CPSF1: variants seen among roughly 807,000 people sequenced by gnomAD.
The protein encoded by CPSF1 is cleavage and polyadenylation specificity factor subunit 1.
Under a neutral mutation model 175.8 loss-of-function variants are expected in CPSF1, and 106 were observed. That is an observed-to-expected ratio of 0.60 (90% CI 0.52 to 0.71). The LOEUF (loss-of-function observed/expected upper bound fraction) is 0.71, where lower values mean the gene tolerates loss of function less well. CPSF1 is among the 30% of genes least tolerant of loss of function. CPSF1 has a pLI of 0.00. For synonymous variants in CPSF1, 1,024 were observed against 858.3 expected (o/e 1.19, Z -3.37); for missense variants, 1,734 against 2,022.9 (o/e 0.86, Z 2.74).
In CPSF1 at chr8:144,394,632, G is replaced by A. The variant is rs1554862888; in HGVS notation, c.3567+12C>T. 6.2e-7 allele frequency: 1 copy of A among 1,604,156 alleles called. No individual in the cohort carries two copies. Among genetic ancestry groups the A allele is most frequent in the Admixed American group, 1.7e-5 (1 of 58,066 alleles). ...TGAGCCGGGGGACACACGCCGGGTG[G>A]GACTGGCACACCTTCTGGCCGATGG... On this transcript the variant is annotated intron_variant, in intron 31 of 37. Transcript: ENST00000616140.
chr8:144,395,046 G>A (rs1554863148), intron 29 of CPSF1, 23 bp from the exon 30 acceptor site: 7 of 1,604,442 alleles, frequency 4.4e-6, no homozygotes, highest in Non-Finnish European at 6.0e-6. Flanking sequence ...GGGGCCTCAG[G>A]ATGCTGCCTG....
chr8:144,406,156 C>A lies in CPSF1; in HGVS notation c.144+2859G>T, dbSNP rs1249442071. On this transcript the variant is annotated intron_variant, in intron 2 of 37. Coordinates refer to ENST00000616140, the MANE Select transcript of CPSF1 (RefSeq NM_013291.3). ...TGGACAACATAGCAAGACCCCGTTTCTTAAAAACAAAAAACAAAACAGAAG... is the reference window on the plus strand; with the variant it reads ...TGGACAACATAGCAAGACCCCGTTTATTAAAAACAAAAAACAAAACAGAAG... Among the ~76,000 whole-genome samples, 4 of 59,084 alleles carry A rather than the reference C, an allele frequency of 6.8e-5. No homozygotes were observed. In the East Asian group the frequency reaches 1.9e-3, roughly 29 times the overall value. 38.8% of individuals were successfully genotyped at this position (59,084 alleles called of 152,430 possible). A position where few individuals can be genotyped will look rare whatever the true frequency, so the allele number is the denominator to read the frequency against.
At chr8:144,401,766 G>T in intron 2 of CPSF1, 93 bp from the exon 3 acceptor site, 2 of 1,364,206 alleles carry the variant, frequency 1.5e-6, no homozygotes, top group South Asian at 2.8e-5. Context: ...CCTGGCCCCT[G>T]CCTCCTGGGA....
chr8:144,400,146 C>CCCAG lies in CPSF1; in HGVS notation c.937+16_937+19dup. 5 of 1,387,296 alleles carry CCCAG rather than the reference C, an allele frequency of 3.6e-6. No homozygotes were observed. Among genetic ancestry groups the CCCAG allele is most frequent in the African/African-American group, 1.5e-5 (1 of 67,784 alleles). 85.9% of individuals were successfully genotyped at this position (1,387,296 alleles called of 1,614,324 possible). On this transcript the variant is annotated intron_variant, in intron 9 of 37. Coordinates refer to ENST00000616140, the MANE Select transcript of CPSF1 (RefSeq NM_013291.3). ...CAAGCCGTCCCCGGGCCCCCCCCGC[C>CCCAG]CCAGCCACCCCACACTCACGAAGCG... is the stretch of plus-strand genomic sequence containing the variant.
At chr8:144,398,737 C>T (rs2116854107) in intron 17 of CPSF1, 42 bp downstream of exon 17, 87 of 1,590,436 alleles carry the variant, frequency 5.5e-5, no homozygotes, top group East Asian at 6.7e-5. Flanking sequence ...AAGGCAGCGC[C>T]GGTCCCATCC....
Position 144,396,503 on chromosome 8 carries a change from G to A in CPSF1, c.2827-3C>T, listed in dbSNP as rs1820746912. On this transcript the variant is annotated splice_region_variant and splice_polypyrimidine_tract_variant and intron_variant, in intron 25 of 37. Transcript: ENST00000616140. ...GGGGAGGGGCCGCAGATGAAGACCT[G>A]GGGGCAGGCACCGTGAGGATGCTGT... The A allele has an allele frequency of 6.2e-7, 1 of 1,611,548 alleles. No individual in the cohort carries two copies. Among genetic ancestry groups the A allele is most frequent in the East Asian group, 2.2e-5 (1 of 44,846 alleles).
chr8:144,401,477 C>T lies in CPSF1; in HGVS notation c.259G>A (p.Ala87Thr). The change falls in exon 4 of 38, where the codon GCA (alanine) becomes ACA (threonine). Residue 87 changes from alanine to threonine, a missense_variant. By Grantham distance (58) the Ala-to-Thr change is moderately conservative. Coordinates refer to ENST00000616140, the MANE Select transcript of CPSF1 (RefSeq NM_013291.3). Reference sequence around the variant, plus strand: ...AGCAGGGCATCCCGCTTGGCTCCTGCCAGCTGCACGCTGGCCATGGACATG... The same window carrying T: ...AGCAGGGCATCCCGCTTGGCTCCTGTCAGCTGCACGCTGGCCATGGACATG... ...NVMSMASVQL[A>T]GAKRDALLLS... The T allele has an allele frequency of 9.3e-6, 15 of 1,614,026 alleles. No individual in the cohort carries two copies. Among genetic ancestry groups the T allele is most frequent in the Non-Finnish European group, 1.2e-5 (14 of 1,179,994 alleles).
chr8:144,394,371 A>T lies in CPSF1; in HGVS notation c.3744+8T>A. ...ACCCAGACACGAGCACCGCCGCCACAGGTGTACCCGCGACACCAGGCTCAG... is the reference window on the plus strand; with the variant it reads ...ACCCAGACACGAGCACCGCCGCCACTGGTGTACCCGCGACACCAGGCTCAG... On this transcript the variant is annotated splice_region_variant and intron_variant, in intron 32 of 37. Coordinates refer to ENST00000616140, the MANE Select transcript of CPSF1 (RefSeq NM_013291.3). The T allele has an allele frequency of 6.3e-7, 1 of 1,598,612 alleles. No individual in the cohort carries two copies. Among genetic ancestry groups the T allele is most frequent in the Non-Finnish European group, 8.5e-7 (1 of 1,170,864 alleles).
intron 2 of CPSF1, among the ~76,000 whole-genome samples, chr8:144,405,170 A>G (rs2116901199): frequency 9.8e-5 from 15 of 152,368 alleles, no homozygotes; most frequent in Admixed American, 9.1e-4. Context: ...ATAACCTTAC[A>G]GTGGGGGAAT....
Position 144,409,311 on chromosome 8 carries a change from G to A in CPSF1, c.-37C>T. The A allele has an allele frequency of 5.3e-6, 3 of 561,010 alleles. No homozygotes were observed. The highest frequency in any genetic ancestry group is 7.6e-6 in the Non-Finnish European group (3 of 393,732). 34.8% of individuals were successfully genotyped at this position (561,010 alleles called of 1,614,324 possible). A position where few individuals can be genotyped will look rare whatever the true frequency, so the allele number is the denominator to read the frequency against. ...CACCTGGCAGTTGGAGCCGACTCGA[G>A]AGGAACCGGGACAGCAGCGAACTCA... On this transcript the variant is annotated 5_prime_UTR_variant, in exon 1 of 38. Coordinates refer to ENST00000616140, the MANE Select transcript of CPSF1 (RefSeq NM_013291.3).
rs782631342 is a variant in CPSF1, at chr8:144,393,484, G to T, written c.4252C>A (p.Leu1418Ile). The T allele has an allele frequency of 1.9e-6, 3 of 1,567,090 alleles. No individual in the cohort carries two copies. The highest frequency in any genetic ancestry group is 2.6e-6 in the Non-Finnish European group (3 of 1,157,244). ...GGTGTGGTGCCGATCTTCTTGGCTA[G>T]CTCGCTGCGCTCCATGGTGCTCAGG... ...LYLSTMERSELAKKIGTTPDI... is the reference protein window; with the variant it reads ...LYLSTMERSEIAKKIGTTPDI... Residue 1418 changes from leucine (L) to isoleucine (I), a missense_variant, in exon 37 of 38, where the codon CTA becomes ATA. Around this residue, in one of 10 missense-constraint regions of CPSF1, gnomAD observed 323 missense variants for 338.5 expected, o/e 0.95. Transcript: ENST00000616140.
rs782014027 is a variant in CPSF1, at chr8:144,396,480, G to C, written c.2847C>G (p.Ser949=). The change falls in exon 26 of 38, where the codon TCC becomes TCG. Residue 949 remains serine, a synonymous_variant. Coordinates refer to ENST00000616140, the MANE Select transcript of CPSF1 (RefSeq NM_013291.3). The stretch of plus-strand genomic sequence containing the variant: ...GGCCGGTCACCAAGAGCCAGTGAGG[G>C]GAGGGGCCGCAGATGAAGACCTGGG... ...GYSGVFICGP[S]PHWLLVTGRG... The C allele has an allele frequency of 5.0e-6, 8 of 1,608,952 alleles. No individual in the cohort carries two copies. The highest frequency in any genetic ancestry group is 6.8e-6 in the Non-Finnish European group (8 of 1,178,466).
intron 26 of CPSF1, 123 bp downstream of exon 26, chr8:144,396,225 C>T (rs1186304056): frequency 1.1e-5 from 12 of 1,045,258 alleles, no homozygotes; most frequent in African/African-American, 3.2e-5. Context: ...AACCCCATCG[C>T]CCTCTGGACA....
In CPSF1 at chr8:144,397,940, A is replaced by G. The variant is rs782769973; in HGVS notation, c.2073+14T>C. Reference sequence around the variant, plus strand: ...GGGCAGGGACAGGAGGGCGCCGGGAATGAGGGGGCCTACATGGTGCAGCGG... The same window carrying G: ...GGGCAGGGACAGGAGGGCGCCGGGAGTGAGGGGGCCTACATGGTGCAGCGG... On this transcript the variant is annotated intron_variant, in intron 20 of 37. Coordinates refer to ENST00000616140, the MANE Select transcript of CPSF1 (RefSeq NM_013291.3). The G allele has an allele frequency of 2.7e-5, 44 of 1,600,376 alleles. No homozygotes were observed. The South Asian group carries it at 4.4e-4, about 16-fold the overall frequency.
chr8:144,396,694 C>T lies in CPSF1; in HGVS notation c.2730G>A (p.Lys910=). Residue 910 remains lysine (K), a synonymous_variant, in exon 25 of 38, where the codon AAG becomes AAA. Transcript: ENST00000616140. Reference sequence around the variant, plus strand: ...CTGCGCCGCCACCTTCTGCTTTCTTCTTGGATGGCTTTGGCTTCTTCTCAC... The same window carrying T: ...CTGCGCCGCCACCTTCTGCTTTCTTTTTGGATGGCTTTGGCTTCTTCTCAC... ...NFREKKPKPS[K]KKAEGGGAEE... is the part of the protein sequence containing the mutation. The T allele has an allele frequency of 1.9e-6, 3 of 1,613,986 alleles. No individual in the cohort carries two copies. The highest frequency in any genetic ancestry group is 2.7e-5 in the African/African-American group (2 of 75,070).
intron 2 of CPSF1, among the ~76,000 whole-genome samples, chr8:144,405,680 G>T (rs1554868881): frequency 6.6e-6 from 1 of 152,114 alleles, no homozygotes; most frequent in African/African-American, 2.4e-5. Flanking sequence ...TCCCTCTCCA[G>T]GTGAATCTGG....
intron 26 of CPSF1, 72 bp downstream of exon 26, chr8:144,396,276 C>T: frequency 1.4e-6 from 2 of 1,461,776 alleles, no homozygotes; most frequent in Non-Finnish European, 1.9e-6. Flanking sequence ...GGTCCCTTCT[C>T]CTGTCCCCTC....
At chr8:144,400,135 G>GGGGGGGGGCCCCCCCCCCCCCCC in intron 9 of CPSF1, 31 bp downstream of exon 9, 3 of 896,002 alleles carry the variant, frequency 3.3e-6, no homozygotes, top group Non-Finnish European at 4.8e-6. Flanking sequence ...CCGTCCCCGG[G>GGGGGGGGGCCCCCCCCCCCCCCC]CCCCCCCCGC....
In CPSF1 at chr8:144,398,128, A is replaced by C; in HGVS notation, c.1899T>G (p.Asn633Lys). ...GGTCCACGGGGATGAAGTGCAGCTG[A>C]TTCACTGTAGGCATGGGGCAGTCAG... is the stretch of plus-strand genomic sequence containing the variant. The part of the protein sequence containing the change: ...PLGIRLLEGV[N>K]QLHFIPVDLG... The change falls in exon 20 of 38, where the codon AAT becomes AAG. Residue 633 changes from asparagine (N) to lysine (K), a missense_variant. By Grantham distance (94) the Asn-to-Lys change is moderately conservative. Coordinates refer to ENST00000616140, the MANE Select transcript of CPSF1 (RefSeq NM_013291.3). The C allele has an allele frequency of 6.5e-7, 1 of 1,537,998 alleles. No homozygotes were observed.
Sources: allele counts gnomAD v4.1 joint callset (sites outside exome capture counted in the v4.1 genomes callset), GRCh38; gene constraint gnomAD v4.1.1; regional missense constraint gnomAD v4.1.1; transcripts MANE v1.5; gene names NCBI Gene and HGNC (gene_info 2026-07-23, HGNC 2026-07-21).